Variants in RASA3 observed in about 807,000 individuals in gnomAD.
RASA3 encodes ras GTPase-activating protein 3.
Under a neutral mutation model 110.0 loss-of-function variants are expected in RASA3, and 73 were observed. The ratio of observed to expected loss-of-function variants is 0.66; its 90% CI spans 0.55 to 0.81. RASA3 has a LOEUF of 0.81. Ranked by LOEUF, RASA3 falls within the 30% of genes least tolerant of loss-of-function variation. The pLI is 0.00. For synonymous variants in RASA3, 500 were observed against 451.4 expected, an observed-to-expected ratio of 1.11 and a Z score of -1.37; for missense variants, 976 against 1,113.2, an observed-to-expected ratio of 0.88 and a Z score of 1.75.
chr13:114,092,812 T>C (rs1449315851), intron 1 of RASA3, among the ~76,000 whole-genome samples: 1 of 152,228 alleles, frequency 6.6e-6, no homozygotes, highest in Non-Finnish European at 1.5e-5. Flanking sequence ...TTTAGATATA[T>C]TAATATTTGC....
chr13:114,051,012 G>A (rs542980316), intron 3 of RASA3, among the ~76,000 whole-genome samples: 4 of 152,336 alleles, frequency 2.6e-5, no homozygotes, highest in Admixed American at 2.0e-4. Context: ...GGGGTGGAGC[G>A]GCCGTGACAC....
intron 1 of RASA3, among the ~76,000 whole-genome samples, chr13:114,120,569 CCCT>C (rs2080363399): frequency 1.8e-5 from 2 of 110,316 alleles, no homozygotes; most frequent in Non-Finnish European, 2.1e-5. Context: ...TCGATCAGGG[CCCT>C]CCCTCCTCTC....
chr13:114,100,205 C>A (rs2080037808), intron 1 of RASA3, among the ~76,000 whole-genome samples: 1 of 151,732 alleles, frequency 6.6e-6, no homozygotes, highest in Admixed American at 6.5e-5. Context: ...TGACTCTGCC[C>A]CGCCCCGGCC....
intron 2 of RASA3, among the ~76,000 whole-genome samples, chr13:114,055,105 T>C (rs537731731): frequency 3.3e-5 from 5 of 151,846 alleles, no homozygotes; most frequent in African/African-American, 4.8e-5. Context: ...TGTGCCCGTA[T>C]GTGTGTCCCC....
In RASA3 at chr13:114,065,344, C is replaced by T. The variant is rs1251848935; in HGVS notation, c.173+8376G>A. Among the ~76,000 whole-genome samples the T allele has an allele frequency of 1.1e-4, 16 of 152,330 alleles. No homozygotes were observed. The South Asian group carries it at 2.3e-3, about 22-fold the overall frequency. The stretch of plus-strand genomic sequence containing the variant: ...GCAGGCTCGGGGCCCATTTCCCAAA[C>T]GCTGGGGGGAGCCGGGAGCTGCCAG... On this transcript the variant is annotated intron_variant, in intron 2 of 23. Coordinates refer to ENST00000334062, the MANE Select transcript of RASA3 (RefSeq NM_007368.4). The surrounding 1 kb of genome is among the most constrained non-coding windows in gnomAD (Gnocchi z 4.1).
chr13:114,111,160 GAGTT>G (rs2080215319), intron 1 of RASA3, among the ~76,000 whole-genome samples: 5 of 84,154 alleles, frequency 5.9e-5, no homozygotes, highest in East Asian at 9.2e-4. Context: ...GCTGCAGGCC[GAGTT>G]CTAACGGGCT....
At chr13:113,991,943 T>TCA (rs750318461) in intron 22 of RASA3, among the ~76,000 whole-genome samples, 1 of 151,656 alleles carries the variant, frequency 6.6e-6, no homozygotes, top group African/African-American at 2.4e-5. Flanking sequence ...GTCCATACAT[T>TCA]CACACACACT....
chr13:114,000,310 G>A (rs1021923846), intron 19 of RASA3, among the ~76,000 whole-genome samples: 7 of 152,100 alleles, frequency 4.6e-5, no homozygotes, highest in African/African-American at 1.7e-4. Context: ...ACCTGGCCCT[G>A]CCATGCACCC....
chr13:114,013,944 ATCTCTCTGTC>A (rs2053725532), intron 14 of RASA3, among the ~76,000 whole-genome samples: 1 of 28,994 alleles, frequency 3.4e-5, no homozygotes, highest in Non-Finnish European at 7.0e-5. Flanking sequence ...CCCTGTCTCT[ATCTCTCTGTC>A]TCTCTCTCTC....
chr13:114,024,220 G>C lies in RASA3; in HGVS notation c.680+59C>G, dbSNP rs933418912. ...CTATATTTAGTAACAAAGAACAAAAGAGCTGAGGAGTTTGGGTGAAAACTG... is the reference window on the plus strand; with the variant it reads ...CTATATTTAGTAACAAAGAACAAAACAGCTGAGGAGTTTGGGTGAAAACTG... On this transcript the variant is annotated intron_variant, in intron 8 of 23. Transcript: ENST00000334062. 15 of 1,456,850 alleles carry C rather than the reference G, an allele frequency of 1.0e-5. No individual in the cohort carries two copies. In the African/African-American group the frequency reaches 1.7e-4, roughly 16 times the overall value. 90.2% of individuals were successfully genotyped at this position (1,456,850 alleles called of 1,614,324 possible). A position where few individuals can be genotyped will look rare whatever the true frequency, so the allele number is the denominator to read the frequency against.
chr13:114,078,146 C>T (rs1340959037), intron 1 of RASA3, among the ~76,000 whole-genome samples: 2 of 152,328 alleles, frequency 1.3e-5, no homozygotes, highest in South Asian at 2.1e-4. Context: ...CCCGGGGCCT[C>T]GCCGTGTGTG....
rs1282978427 is a variant in RASA3, at chr13:114,004,261, TAACC to T, written c.1742+3268_1742+3271del. Among the ~76,000 whole-genome samples, 16 of 145,658 alleles carry T rather than the reference TAACC, an allele frequency of 1.1e-4. No individual in the cohort carries two copies. In the Admixed American group the frequency reaches 1.1e-3, roughly 10 times the overall value. ...AACAGCTTCTGCACAGCAAAATAAA[TAACC>T]AACAGAGCAAACAGACGACCTGCAG... On this transcript the variant is annotated intron_variant, in intron 18 of 23. Coordinates refer to ENST00000334062, the MANE Select transcript of RASA3 (RefSeq NM_007368.4).
intron 21 of RASA3, among the ~76,000 whole-genome samples, chr13:113,992,913 A>G (rs952217720): frequency 6.6e-6 from 1 of 152,206 alleles, no homozygotes; most frequent in African/African-American, 2.4e-5. Flanking sequence ...TGTGCTTATC[A>G]TTTGTACTAA....
rs1000097152 is a variant in RASA3, at chr13:114,063,390, G to C, written c.173+10330C>G. Among the ~76,000 whole-genome samples, 4 of 146,582 alleles carry C rather than the reference G, an allele frequency of 2.7e-5. No individual in the cohort carries two copies. The East Asian group carries it at 7.8e-4, about 29-fold the overall frequency. On this transcript the variant is annotated intron_variant, in intron 2 of 23. Transcript: ENST00000334062. The stretch of plus-strand genomic sequence containing the variant: ...TACAATATTTATAATACAAATATAA[G>C]TATATTCATACTATAATGACTCATT...
chr13:114,095,983 C>A (rs2079937180), intron 1 of RASA3, among the ~76,000 whole-genome samples: 1 of 152,258 alleles, frequency 6.6e-6, no homozygotes, highest in Non-Finnish European at 1.5e-5. Context: ...TTTGGTACTA[C>A]AAGCTAATCA....
chr13:114,012,358 T>C (rs2053652622), intron 15 of RASA3, among the ~76,000 whole-genome samples: 2 of 130,266 alleles, frequency 1.5e-5, no homozygotes, highest in Non-Finnish European at 3.3e-5. Flanking sequence ...CCACACGCAC[T>C]CCCCATTCCA....
At chr13:114,111,579 A>C (rs112259755) in intron 1 of RASA3, among the ~76,000 whole-genome samples, 162 of 85,478 alleles carry the variant, frequency 1.9e-3, no homozygotes, top group South Asian at 9.1e-3. Context: ...CTGCAGGCCG[A>C]GTTCTAACGG....
intron 23 of RASA3, among the ~76,000 whole-genome samples, chr13:113,980,009 ACACCTCCCACGTGTGCACCTGTGTGTG>A (rs2052875156): frequency 7.8e-6 from 1 of 128,284 alleles, no homozygotes; most frequent in Non-Finnish European, 1.6e-5. Context: ...CTCCGTGTGT[ACACCTCCCACGTGTGCACCTGTGTGTG>A]CACCTCTGTG....
Position 114,016,295 on chromosome 13 carries a change from C to T in RASA3, c.1207-24G>A, listed in dbSNP as rs777670171. ...ATCTGGGGAGAGGTTTAAGACAGGG[C>T]TCTGTGAGTGGGTTCTGGGGGCACA... On this transcript the variant is annotated intron_variant, in intron 12 of 23. Coordinates refer to ENST00000334062, the MANE Select transcript of RASA3 (RefSeq NM_007368.4). 3.7e-5 allele frequency: 56 copies of T among 1,532,352 alleles called. No homozygotes were observed. The South Asian group carries it at 5.9e-4, about 16-fold the overall frequency. 94.9% of individuals were successfully genotyped at this position (1,532,352 alleles called of 1,614,324 possible).
Sources: gnomAD v4.1 joint callset for allele counts (sites outside exome capture counted in the v4.1 genomes callset) on GRCh38, gnomAD v4.1.1 for gene constraint, Gnocchi (gnomAD v3.1) non-coding constraint, MANE v1.5 for transcripts, NCBI Gene and HGNC (gene_info 2026-07-23, HGNC 2026-07-21) for gene names.